Variants in BPNT2 observed in about 807,000 individuals in gnomAD.
BPNT2 encodes Golgi-resident adenosine 3',5'-bisphosphate 3'-phosphatase.
Under a neutral mutation model 29.3 loss-of-function variants are expected in BPNT2, and 11 were observed. The ratio of observed to expected loss-of-function variants is 0.38; its 90% CI spans 0.24 to 0.62. The LOEUF (loss-of-function observed/expected upper bound fraction) is 0.62. BPNT2 is among the 20% of genes least tolerant of loss of function. BPNT2 has a pLI of 0.62. For synonymous variants in BPNT2, 195 were observed against 187.7 expected (o/e 1.04, Z -0.32); for missense variants, 459 against 473.4 (o/e 0.97, Z 0.28).
chr8:56,979,505 T>C (rs1208251100), intron 2 of BPNT2, among the ~76,000 whole-genome samples: 3 of 152,168 alleles, frequency 2.0e-5, no homozygotes, highest in Admixed American at 2.0e-4. Context: ...ATTGTTATGG[T>C]TCAAGTTCAG....
Position 56,963,480 on chromosome 8 carries a change from G to A in BPNT2, c.*313C>T. 1 of 285,616 alleles carries A rather than the reference G, an allele frequency of 3.5e-6. No individual in the cohort carries two copies. The highest frequency in any genetic ancestry group is 6.6e-6 in the Non-Finnish European group (1 of 151,418). 17.7% of individuals were successfully genotyped at this position (285,616 alleles called of 1,614,324 possible). A position where few individuals can be genotyped will look rare whatever the true frequency, so the allele number is the denominator to read the frequency against. ...TAACAGTGAAGATTCATGATGTTGT[G>A]TGAAAATGGTGACTCATAACAATGT... On this transcript the variant is annotated 3_prime_UTR_variant, in exon 5 of 5. Coordinates refer to ENST00000262644, the MANE Select transcript of BPNT2 (RefSeq NM_017813.5).
At chr8:56,970,611 C>T (rs982076936) in intron 3 of BPNT2, among the ~76,000 whole-genome samples, 5 of 151,916 alleles carry the variant, frequency 3.3e-5, no homozygotes, top group Non-Finnish European at 7.4e-5. Flanking sequence ...TAGCAGCAAT[C>T]GGGGAAATGT....
chr8:56,980,580 G>A (rs1806222091), intron 1 of BPNT2, among the ~76,000 whole-genome samples: 1 of 150,770 alleles, frequency 6.6e-6, no homozygotes, highest in African/African-American at 2.4e-5. Context: ...AGCAACTAGA[G>A]TTAGAAGAAA....
At chr8:56,971,136 C>A (rs1806024028) in intron 3 of BPNT2, among the ~76,000 whole-genome samples, 1 of 151,970 alleles carries the variant, frequency 6.6e-6, no homozygotes, top group South Asian at 2.1e-4. Flanking sequence ...GTAACACTTA[C>A]ATGAACATAA....
At chr8:56,990,670 T>A (rs373285842) in intron 1 of BPNT2, among the ~76,000 whole-genome samples, 1 of 152,140 alleles carries the variant, frequency 6.6e-6, no homozygotes, top group African/African-American at 2.4e-5. Context: ...CATTATAGGA[T>A]GTTTACCCTC....
At chr8:56,980,336 T>C (rs1366264765) in intron 1 of BPNT2, 139 bp from the exon 2 acceptor site, 2 of 706,688 alleles carry the variant, frequency 2.8e-6, no homozygotes, top group African/African-American at 3.6e-5. Context: ...ATGCTCCATA[T>C]TGCAAAATGA....
intron 3 of BPNT2, among the ~76,000 whole-genome samples, chr8:56,971,899 T>A (rs1806041982): frequency 6.8e-6 from 1 of 147,496 alleles, no homozygotes. Flanking sequence ...ATCGAGACCA[T>A]CCTGGCTAAC....
intron 3 of BPNT2, among the ~76,000 whole-genome samples, chr8:56,966,597 C>A (rs867844493): frequency 6.6e-6 from 1 of 152,038 alleles, no homozygotes; most frequent in Non-Finnish European, 1.5e-5. Context: ...TAACCAAAGA[C>A]AACGACTATT....
At position 56,959,818 on chromosome 8, in the gene BPNT2, A is replaced by C. The variant is rs1805799386; in HGVS notation, c.*3975T>G. 1 of 152,236 alleles carries C rather than the reference A, an allele frequency of 6.6e-6. No homozygotes were observed. 9.4% of individuals were successfully genotyped at this position (152,236 alleles called of 1,614,324 possible). A position where few individuals can be genotyped will look rare whatever the true frequency, so the allele number is the denominator to read the frequency against. On this transcript the variant is annotated 3_prime_UTR_variant, in exon 5 of 5. Transcript: ENST00000262644. ...CAACTATAATATTAAAAACATCAAA[A>C]GAACTTAAGTTTTAATGGCAAAAAG...
In BPNT2 at chr8:56,984,671, A is replaced by T. The variant is rs76927285; in HGVS notation, c.388-4474T>A. On this transcript the variant is annotated intron_variant, in intron 1 of 4. Coordinates refer to ENST00000262644, the MANE Select transcript of BPNT2 (RefSeq NM_017813.5). ...ATTGGGATACAGTAATGAACAAAACAGACAAAATCACTGCTTTTACAGAGC... is the reference window on the plus strand; with the variant it reads ...ATTGGGATACAGTAATGAACAAAACTGACAAAATCACTGCTTTTACAGAGC... 1.5e-3 allele frequency among the ~76,000 whole-genome samples: 222 copies of T among 152,312 alleles called. 2 individuals are homozygous for T. The highest frequency in any genetic ancestry group is 5.2e-3 in the African/African-American group (215 of 41,564).
intron 1 of BPNT2, 38 bp from the exon 2 acceptor site, chr8:56,980,235 C>G (rs201715654): frequency 6.6e-7 from 1 of 1,515,966 alleles, no homozygotes; most frequent in South Asian, 1.1e-5. Context: ...AAAAGTAAGA[C>G]GAACAATCAC....
At position 56,966,324 on chromosome 8, in the gene BPNT2, A is replaced by G. The variant is rs746569621; in HGVS notation, c.675T>C (p.Asn225=). 6.2e-7 allele frequency: 1 copy of G among 1,613,994 alleles called. No homozygotes were observed. ...TAWAMVDGGS[N]VKARSSYNEK... The stretch of plus-strand genomic sequence containing the variant: ...CATTGTAGGAAGAGCGGGCTTTCAC[A>G]TTTGAACCACCATCTACCATTGCCC... Residue 225 remains asparagine, a synonymous_variant, in exon 4 of 5, where the codon AAT becomes AAC. Coordinates refer to ENST00000262644, the MANE Select transcript of BPNT2 (RefSeq NM_017813.5).
intron 1 of BPNT2, among the ~76,000 whole-genome samples, chr8:56,989,549 A>G (rs912297704): frequency 3.3e-5 from 5 of 152,178 alleles, no homozygotes; most frequent in African/African-American, 7.2e-5. Flanking sequence ...GCAGAAGGCT[A>G]TGCAAATGTT....
At chr8:56,976,847 T>A (rs978136875) in intron 3 of BPNT2, among the ~76,000 whole-genome samples, 7 of 152,148 alleles carry the variant, frequency 4.6e-5, no homozygotes, top group African/African-American at 1.4e-4. Flanking sequence ...TGTATCAGTG[T>A]CCTAAAGCTG....
intron 2 of BPNT2, among the ~76,000 whole-genome samples, chr8:56,978,698 C>A (rs1806188016): frequency 1.3e-5 from 2 of 151,432 alleles, no homozygotes; most frequent in African/African-American, 4.9e-5. Context: ...ATACACCGTG[C>A]AATACTATGC....
Position 56,958,308 on chromosome 8 carries a change from G to A in BPNT2, c.*5485C>T, listed in dbSNP as rs1405779813. ...AACACTAAGATGCAATCCCTCTCAA[G>A]AACTGTATAATCTAGTAAGAGCACA... On this transcript the variant is annotated 3_prime_UTR_variant, in exon 5 of 5. Coordinates refer to ENST00000262644, the MANE Select transcript of BPNT2 (RefSeq NM_017813.5). 6.6e-6 allele frequency: 1 copy of A among 152,164 alleles called. No individual in the cohort carries two copies. Among genetic ancestry groups the A allele is most frequent in the African/African-American group, 2.4e-5 (1 of 41,416 alleles). 9.4% of individuals were successfully genotyped at this position (152,164 alleles called of 1,614,324 possible).
chr8:56,986,491 G>C (rs929816110), intron 1 of BPNT2, among the ~76,000 whole-genome samples: 1 of 152,134 alleles, frequency 6.6e-6, no homozygotes, highest in Non-Finnish European at 1.5e-5. Flanking sequence ...ACCAAGTCAG[G>C]GGTCAGGAAT....
intron 3 of BPNT2, 43 bp from the exon 4 acceptor site, chr8:56,966,395 A>C: frequency 1.3e-6 from 2 of 1,544,994 alleles, no homozygotes; most frequent in Non-Finnish European, 1.8e-6. Flanking sequence ...CTGAAGCTTT[A>C]AAACTAAAGG....
chr8:56,967,257 G>A (rs1267318393), intron 3 of BPNT2: 1 of 456,220 alleles, frequency 2.2e-6, no homozygotes, highest in East Asian at 7.0e-5. Flanking sequence ...CTGAGTTTGG[G>A]TTTCTGAGTT....
Sources: allele counts gnomAD v4.1 joint callset (sites outside exome capture counted in the v4.1 genomes callset), GRCh38; gene constraint gnomAD v4.1.1; transcripts MANE v1.5; gene names NCBI Gene and HGNC (gene_info 2026-07-23, HGNC 2026-07-21).